Variants in POLR3B observed in about 807,000 individuals in gnomAD.
POLR3B encodes the protein DNA-directed RNA polymerase III subunit RPC2.
POLR3B carries 96 observed loss-of-function variants against 147.4 expected under a neutral mutation model. The observed-to-expected ratio is 0.65, with a 90% confidence interval of 0.55 to 0.77. The LOEUF is 0.77. POLR3B is among the 30% of genes least tolerant of loss of function. The pLI is 0.00. For missense variants in POLR3B, 1,036 were observed against 1,413.5 expected, an observed-to-expected ratio of 0.73 and a Z score of 4.28; for synonymous variants, 461 against 485.9, an observed-to-expected ratio of 0.95 and a Z score of 0.67.
chr12:106,482,110 G>T (rs2038275593), intron 23 of POLR3B, among the ~76,000 whole-genome samples: 1 of 152,108 alleles, frequency 6.6e-6, no homozygotes, highest in Non-Finnish European at 1.5e-5. Context: ...CTTTCTTCTG[G>T]ATCATTGTTG....
intron 12 of POLR3B, among the ~76,000 whole-genome samples, chr12:106,416,266 T>C (rs1318093038): frequency 1.3e-5 from 2 of 152,240 alleles, no homozygotes; most frequent in Admixed American, 6.5e-5. Flanking sequence ...ATATACCTGT[T>C]TGTGTATGTG....
rs912659668 is a variant in POLR3B, at chr12:106,427,312, T to C, written c.1217T>C (p.Met406Thr). ...GCCCAGTTTGATGTTGTCAAACACA[T>C]GCGCCAAGACCAGATCACCAATGGC... ...RAAQFDVVKH[M>T]RQDQITNGMV... The change falls in exon 13 of 28, where the codon ATG becomes ACG. Residue 406 changes from methionine to threonine, a missense_variant. Coordinates refer to ENST00000228347, the MANE Select transcript of POLR3B (RefSeq NM_018082.6). 5 of 1,613,666 alleles carry C rather than the reference T, an allele frequency of 3.1e-6. No individual in the cohort carries two copies. The highest frequency in any genetic ancestry group is 1.1e-5 in the South Asian group (1 of 91,058).
At chr12:106,449,939 A>G (rs2037775682) in intron 19 of POLR3B, among the ~76,000 whole-genome samples, 2 of 152,184 alleles carry the variant, frequency 1.3e-5, no homozygotes. Flanking sequence ...TAGATTTTTG[A>G]AAAGAATTTT....
intron 1 of POLR3B, 97 bp downstream of exon 1, chr12:106,358,048 T>G (rs1592995131): frequency 1.3e-6 from 2 of 1,561,810 alleles, no homozygotes; most frequent in African/African-American, 2.7e-5. Flanking sequence ...GGGCTGGCGG[T>G]TTGTGCGCAT....
chr12:106,476,030 C>T (rs1193771517), intron 23 of POLR3B, among the ~76,000 whole-genome samples: 3 of 150,860 alleles, frequency 2.0e-5, no homozygotes, highest in South Asian at 2.1e-4. Context: ...ATGTTTAGCA[C>T]TTCCTTGAGG....
Position 106,366,281 on chromosome 12 carries a change from A to G in POLR3B, c.106-235A>G, listed in dbSNP as rs114621705. Among the ~76,000 whole-genome samples, 168 of 152,330 alleles carry G rather than the reference A, an allele frequency of 1.1e-3. 2 individuals carry two copies. The highest frequency in any genetic ancestry group is 3.9e-3 in the African/African-American group (163 of 41,582). On this transcript the variant is annotated intron_variant, in intron 2 of 27. Coordinates refer to ENST00000228347, the MANE Select transcript of POLR3B (RefSeq NM_018082.6). ...ATTTCCGAGAGTCAGATTGCTTCTC[A>G]AGGAGGAAAACTCTCGAGGATATGC... is the stretch of plus-strand genomic sequence containing the variant.
intron 5 of POLR3B, 44 bp downstream of exon 5, chr12:106,369,394 CAG>C: frequency 1.8e-6 from 2 of 1,114,312 alleles, no homozygotes; most frequent in East Asian, 2.3e-5. Flanking sequence ...TGCTTTAACT[CAG>C]AGTCTGCCCT....
chr12:106,375,741 T>A (rs529533960), intron 6 of POLR3B, among the ~76,000 whole-genome samples: 2 of 152,238 alleles, frequency 1.3e-5, no homozygotes, highest in Non-Finnish European at 2.9e-5. Flanking sequence ...TGCATTGTGC[T>A]ATTGCCAAGT....
intron 9 of POLR3B, chr12:106,381,843 A>C (rs542397242): frequency 6.6e-6 from 1 of 152,306 alleles, no homozygotes; most frequent in Admixed American, 6.5e-5. Context: ...GCCCATTTTA[A>C]TGGTTATTTC....
intron 9 of POLR3B, among the ~76,000 whole-genome samples, chr12:106,390,089 A>G (rs1266367645): frequency 1.3e-5 from 2 of 152,076 alleles, no homozygotes; most frequent in South Asian, 4.2e-4. Context: ...ATGGTGGCAG[A>G]TGCCTGTAGT....
At chr12:106,429,434 C>G (rs1043624804) in intron 13 of POLR3B, among the ~76,000 whole-genome samples, 24 of 152,108 alleles carry the variant, frequency 1.6e-4, no homozygotes, top group Non-Finnish European at 2.5e-4. Flanking sequence ...CCAACACACC[C>G]GGCCTGCTTT....
Position 106,459,111 on chromosome 12 carries a change from C to G in POLR3B, c.2453-140C>G, listed in dbSNP as rs909967643. On this transcript the variant is annotated intron_variant, in intron 21 of 27. Transcript: ENST00000228347. ...GCATGACCATAGCTCACTGCAGCCT[C>G]AACCTAGGTTCAAGCAGTCCTCCTA... 4.4e-6 allele frequency: 3 copies of G among 676,972 alleles called. No homozygotes were observed. The African/African-American group carries it at 5.3e-5, about 12-fold the overall frequency. The allele number at this position is 676,972 out of a possible 1,614,324, so 41.9% of individuals were successfully genotyped here.
rs777595105 is a variant in POLR3B at position 106,369,679 on chromosome 12, G to A, written c.400G>A (p.Gly134Ser). 1.4e-5 allele frequency: 22 copies of A among 1,599,262 alleles called. No individual in the cohort carries two copies. The highest frequency in any genetic ancestry group is 2.2e-5 in the South Asian group (2 of 90,766). Residue 134 changes from glycine (G) to serine (S), a missense_variant, in exon 6 of 28, where the codon GGC becomes AGC. Physicochemically the swap from Gly to Ser is moderately conservative, Grantham distance 56. Coordinates refer to ENST00000228347, the MANE Select transcript of POLR3B (RefSeq NM_018082.6). ...GATCATCCGCAATGCCTTACCTATC[G>A]GCAGGTGAGAAATGAAATCCGTATT... ...QRIIRNALPI[G>S]RMPIMLRSSN...
intron 6 of POLR3B, among the ~76,000 whole-genome samples, chr12:106,369,984 G>C (rs2036582864): frequency 6.6e-6 from 1 of 151,972 alleles, no homozygotes; most frequent in Non-Finnish European, 1.5e-5. Context: ...AGGTCTTCTT[G>C]GTGGATAGGT....
chr12:106,482,523 G>GC (rs2038282114), intron 23 of POLR3B, among the ~76,000 whole-genome samples: 1 of 152,086 alleles, frequency 6.6e-6, no homozygotes, highest in South Asian at 2.1e-4. Context: ...AGGGGGAGGT[G>GC]CTACACACTT....
At chr12:106,383,479 A>G (rs2036792880) in intron 9 of POLR3B, among the ~76,000 whole-genome samples, 1 of 151,850 alleles carries the variant, frequency 6.6e-6, no homozygotes, top group Non-Finnish European at 1.5e-5. Context: ...TTACTTGCAC[A>G]CTTAAGAAGC....
intron 15 of POLR3B, among the ~76,000 whole-genome samples, chr12:106,432,893 A>G (rs574134039): frequency 6.6e-6 from 1 of 152,314 alleles, no homozygotes; most frequent in East Asian, 1.9e-4. Flanking sequence ...CTGTGATAAG[A>G]GGATCCCTCT....
intron 23 of POLR3B, 97 bp downstream of exon 23, chr12:106,463,717 G>T: frequency 1.0e-6 from 1 of 972,538 alleles, no homozygotes; most frequent in Non-Finnish European, 1.6e-6. Flanking sequence ...AATTTACTTT[G>T]GAAAAGTATT....
chr12:106,379,983 T>C (rs769124791), intron 8 of POLR3B, 48 bp from the exon 9 acceptor site: 1 of 1,071,966 alleles, frequency 9.3e-7, no homozygotes, highest in Admixed American at 1.7e-5. Flanking sequence ...TGTTACTAGC[T>C]TGAAACTAAG....
Sources: allele counts gnomAD v4.1 joint callset (sites outside exome capture counted in the v4.1 genomes callset), GRCh38; gene constraint gnomAD v4.1.1; transcripts MANE v1.5; gene names NCBI Gene and HGNC (gene_info 2026-07-23, HGNC 2026-07-21).